The following UBA3 variants were observed in gnomAD, a reference collection of about 807,000 sequenced individuals.
UBA3 encodes the protein ubiquitin like modifier activating enzyme 3.
A neutral mutation model predicts 73.5 loss-of-function variants in UBA3; 26 were observed. The ratio of observed to expected loss-of-function variants is 0.35; its 90% CI spans 0.26 to 0.49. The LOEUF is 0.49. Among genes scored for constraint, UBA3 ranks in the 20% least tolerant of loss-of-function variants. The pLI, the probability that UBA3 is intolerant of heterozygous loss-of-function variation, is 0.98. For missense variants in UBA3, 495 were observed against 555.6 expected (o/e 0.89, Z 1.10); for synonymous variants, 217 against 191.2 (o/e 1.13, Z -1.11).
At chr3:69,077,556 G>A (rs1318393342) in intron 3 of UBA3, 1 of 361,848 alleles carries the variant, frequency 2.8e-6, no homozygotes, top group East Asian at 5.8e-5. Context: ...TTTTACATGA[G>A]GTCATGAAGT....
At chr3:69,077,998 T>A (rs1159474981) in intron 2 of UBA3, 80 bp from the exon 3 acceptor site, 2 of 1,526,052 alleles carry the variant, frequency 1.3e-6, no homozygotes, top group East Asian at 2.3e-5. Context: ...TATCCCCAAA[T>A]GAAAAGGTAA....
At chr3:69,074,586 T>C (rs2092148470) in intron 4 of UBA3, among the ~76,000 whole-genome samples, 1 of 152,220 alleles carries the variant, frequency 6.6e-6, no homozygotes, top group Admixed American at 6.5e-5. Flanking sequence ...GGGTCCTCCA[T>C]CTGGCTGTGA....
At chr3:69,067,629 G>A (rs1459262942) in intron 6 of UBA3, among the ~76,000 whole-genome samples, 2 of 152,112 alleles carry the variant, frequency 1.3e-5, no homozygotes, top group Non-Finnish European at 2.9e-5. Flanking sequence ...TTACACTCTA[G>A]TAAAGGAGAT....
chr3:69,065,813 G>C (rs981197411), intron 6 of UBA3, among the ~76,000 whole-genome samples: 4 of 151,532 alleles, frequency 2.6e-5, no homozygotes, highest in Non-Finnish European at 5.9e-5. Context: ...TTTGAGACTG[G>C]CTTTTTTTTT....
intron 5 of UBA3, among the ~76,000 whole-genome samples, chr3:69,070,376 G>C (rs980179071): frequency 5.9e-5 from 9 of 152,156 alleles, no homozygotes; most frequent in Non-Finnish European, 1.0e-4. Context: ...CAAAGATAAT[G>C]TAGAGGTTTT....
At chr3:69,068,721 ACAGGTGCCTGCCACCACAAC>A (rs2092095403) in intron 5 of UBA3, among the ~76,000 whole-genome samples, 1 of 152,118 alleles carries the variant, frequency 6.6e-6, no homozygotes, top group African/African-American at 2.4e-5. Flanking sequence ...AGGTGAGATT[ACAGGTGCCTGCCACCACAAC>A]CAGCTAGTTT....
chr3:69,055,991 A>C lies in UBA3; in HGVS notation c.1248+9T>G, dbSNP rs1193641840. On this transcript the variant is annotated intron_variant, in intron 16 of 17. Transcript: ENST00000361055. ...TTTCTGAAAAAAATTTAAAATACAC[A>C]TTGATAACCTGTAAGTAAAGTGTTC... 1 of 1,602,500 alleles carries C rather than the reference A, an allele frequency of 6.2e-7. No individual in the cohort carries two copies. The highest frequency in any genetic ancestry group is 8.5e-7 in the Non-Finnish European group (1 of 1,176,050).
At chr3:69,068,100 G>C in intron 5 of UBA3, 92 bp from the exon 6 acceptor site, 2 of 847,114 alleles carry the variant, frequency 2.4e-6, no homozygotes, top group Non-Finnish European at 3.4e-6. Flanking sequence ...TTCACAGTAA[G>C]TTTACTTATA....
chr3:69,062,194 T>C lies in UBA3; in HGVS notation c.694-15A>G, dbSNP rs1252753682. The C allele has an allele frequency of 6.5e-7, 1 of 1,540,748 alleles. No individual in the cohort carries two copies. The highest frequency in any genetic ancestry group is 8.9e-7 in the Non-Finnish European group (1 of 1,119,616). On this transcript the variant is annotated splice_polypyrimidine_tract_variant and intron_variant, in intron 9 of 17. Transcript: ENST00000361055. ...GGAAAATTAACCTAAAACCACAGTT[T>C]GTCCTTTTCAGTGAATTTTAAACGA...
chr3:69,073,484 A>G (rs1054557751), intron 4 of UBA3, among the ~76,000 whole-genome samples: 1 of 152,182 alleles, frequency 6.6e-6, no homozygotes, highest in Non-Finnish European at 1.5e-5. Context: ...GACATACTAT[A>G]TACTTACTTT....
intron 5 of UBA3, among the ~76,000 whole-genome samples, chr3:69,068,236 A>G (rs2092090292): frequency 6.6e-6 from 1 of 152,206 alleles, no homozygotes; most frequent in Non-Finnish European, 1.5e-5. Flanking sequence ...CTAATTAAGT[A>G]TTGCTTTAAT....
chr3:69,065,335 A>G (rs1388891056), intron 6 of UBA3, among the ~76,000 whole-genome samples: 1 of 152,144 alleles, frequency 6.6e-6, no homozygotes, highest in Non-Finnish European at 1.5e-5. Flanking sequence ...TAAGTTGCAC[A>G]GATAGTATAG....
intron 11 of UBA3, among the ~76,000 whole-genome samples, chr3:69,060,881 C>A (rs938272732): frequency 6.6e-6 from 1 of 152,214 alleles, no homozygotes; most frequent in Non-Finnish European, 1.5e-5. Flanking sequence ...GCCTTGCCAT[C>A]CCCCTTAGCT....
Position 69,055,423 on chromosome 3 carries a change from T to C in UBA3, c.*14A>G, listed in dbSNP as rs1177054386. The C allele has an allele frequency of 2.0e-6, 3 of 1,466,100 alleles. No individual in the cohort carries two copies. Among genetic ancestry groups the C allele is most frequent in the Non-Finnish European group, 1.8e-6 (2 of 1,106,534 alleles). 90.8% of individuals were successfully genotyped at this position (1,466,100 alleles called of 1,614,324 possible). A position where few individuals can be genotyped will look rare whatever the true frequency, so the allele number is the denominator to read the frequency against. ...TATTATTTCCATGAGTTTTCTATTATGTGGAGATTTTCCTTAAGAAGTAAA... is the reference window on the plus strand; with the variant it reads ...TATTATTTCCATGAGTTTTCTATTACGTGGAGATTTTCCTTAAGAAGTAAA... On this transcript the variant is annotated 3_prime_UTR_variant, in exon 18 of 18. Transcript: ENST00000361055.
chr3:69,062,975 T>G lies in UBA3; in HGVS notation c.693+7A>C, dbSNP rs1336141711. ...TATAAAAGAAATGCAGGTGCTTTTT[T>G]GATTACCTGTGGTGGATAAAGTTCC... On this transcript the variant is annotated splice_region_variant and intron_variant, in intron 9 of 17. Transcript: ENST00000361055. 1 of 1,612,966 alleles carries G rather than the reference T, an allele frequency of 6.2e-7. No homozygotes were observed. The highest frequency in any genetic ancestry group is 8.5e-7 in the Non-Finnish European group (1 of 1,179,552).
chr3:69,072,776 C>T (rs1047333162), intron 4 of UBA3, among the ~76,000 whole-genome samples: 2 of 152,158 alleles, frequency 1.3e-5, no homozygotes, highest in Admixed American at 6.5e-5. Context: ...TCACAACAAC[C>T]AAATCTGTTC....
rs1247802328 is a variant in UBA3, at chr3:69,062,080, C to T, written c.793G>A (p.Gly265Arg). ...ATTATTAAATTAGGTTTATTACCTC[C>T]AAAAGGCTGCTCCTTAGGCCACTGC... is the stretch of plus-strand genomic sequence containing the variant. ...MLQWPKEQPF[G>R]EGVPLDGDDP... is the part of the protein sequence containing the mutation. The change falls in exon 10 of 18, where the codon GGA (glycine) becomes AGA (arginine). Residue 265 changes from glycine to arginine, a missense_variant. Coordinates refer to ENST00000361055, the MANE Select transcript of UBA3 (RefSeq NM_003968.4). 5 of 1,600,924 alleles carry T rather than the reference C, an allele frequency of 3.1e-6. No individual in the cohort carries two copies. The highest frequency in any genetic ancestry group is 2.2e-5 in the East Asian group (1 of 44,766).
chr3:69,057,164 A>C, intron 12 of UBA3, 92 bp downstream of exon 12: 1 of 1,284,304 alleles, frequency 7.8e-7, no homozygotes, highest in Non-Finnish European at 1.1e-6. Context: ...CCATCCAAGA[A>C]GATATCAAAT....
chr3:69,055,506 T>G lies in UBA3; in HGVS notation c.1323A>C (p.Gly441=). ...KTLKELGLVD[G]QELAVADVTT... ...TGACATCAGCAACCGCCAGTTCTTG[T>G]CCATCAACAAGCCCCAATTCTAAAA... Residue 441 remains glycine (G), a synonymous_variant, in exon 18 of 18, where the codon GGA becomes GGC. Transcript: ENST00000361055. 6.3e-7 allele frequency: 1 copy of G among 1,578,000 alleles called. No homozygotes were observed. The highest frequency in any genetic ancestry group is 2.3e-5 in the East Asian group (1 of 43,626).
Sources: allele counts gnomAD v4.1 joint callset (sites outside exome capture counted in the v4.1 genomes callset), GRCh38; gene constraint gnomAD v4.1.1; transcripts MANE v1.5; gene names NCBI Gene and HGNC (gene_info 2026-07-23, HGNC 2026-07-21).